Variants in RASSF5 observed in about 807,000 individuals in gnomAD.
RASSF5 encodes the protein Ras association domain family member 5.
In RASSF5, 25 loss-of-function variants were observed where a neutral mutation model predicts 40.5. That is an observed-to-expected ratio of 0.62 (90% confidence interval 0.45 to 0.86). The LOEUF is 0.86. Among genes scored for constraint, RASSF5 ranks in the 40% least tolerant of loss-of-function variants. The pLI, the probability that RASSF5 is intolerant of heterozygous loss-of-function variation, is 0.00. For missense variants in RASSF5, 521 were observed against 572.8 expected (o/e 0.91, Z 0.92); for synonymous variants, 246 against 252.4 (o/e 0.97, Z 0.24).
intron 2 of RASSF5, among the ~76,000 whole-genome samples, chr1:206,575,871 C>T (rs1050168544): frequency 7.9e-5 from 12 of 152,238 alleles, no homozygotes; most frequent in African/African-American, 2.9e-4. Context: ...CGCCAAAGTC[C>T]AAAGCCTGGT....
chr1:206,575,034 GTTTTT>G lies in RASSF5; in HGVS notation c.580-8228_580-8224del, dbSNP rs376096611. ...GGATAATTTTTTTGTTTTTGTTTTT[GTTTTT>G]TTTTTTAGAAGAGACAGGGTTTCAT... On this transcript the variant is annotated intron_variant, in intron 2 of 5. Transcript: ENST00000579436. 2.9e-4 allele frequency among the ~76,000 whole-genome samples: 31 copies of G among 107,746 alleles called. No homozygotes were observed. In the Middle Eastern group the frequency reaches 0.023, roughly 79 times the overall value. 70.7% of individuals were successfully genotyped at this position (107,746 alleles called of 152,430 possible). A position where few individuals can be genotyped will look rare whatever the true frequency, so the allele number is the denominator to read the frequency against.
intron 2 of RASSF5, chr1:206,542,859 A>C (rs1553399583): frequency 6.6e-6 from 1 of 152,224 alleles, no homozygotes; most frequent in Non-Finnish European, 1.5e-5. Flanking sequence ...ATGAATACTT[A>C]TAATTTCTTT....
Position 206,587,379 on chromosome 1 carries a change from C to T in RASSF5, c.*401C>T. ...ATTGATTCCTCTTTGAGTTCTCTTA[C>T]TTGCCACGTACAGGACCATTATTTA... On this transcript the variant is annotated 3_prime_UTR_variant, in exon 6 of 6. Transcript: ENST00000579436. 3.2e-6 allele frequency: 1 copy of T among 316,870 alleles called. No individual in the cohort carries two copies. The highest frequency in any genetic ancestry group is 6.1e-6 in the Non-Finnish European group (1 of 163,410). 19.6% of individuals were successfully genotyped at this position (316,870 alleles called of 1,614,324 possible). A position where few individuals can be genotyped will look rare whatever the true frequency, so the allele number is the denominator to read the frequency against.
chr1:206,568,456 C>A (rs564370501), intron 2 of RASSF5, among the ~76,000 whole-genome samples: 5 of 152,122 alleles, frequency 3.3e-5, no homozygotes, highest in African/African-American at 1.2e-4. Context: ...TGGCTGCTGG[C>A]GCAAGTCTCA....
At chr1:206,534,408 G>T (rs1667328580) in intron 1 of RASSF5, among the ~76,000 whole-genome samples, 1 of 152,178 alleles carries the variant, frequency 6.6e-6, no homozygotes, top group African/African-American at 2.4e-5. Flanking sequence ...TCAATATCAA[G>T]AAATGCCTGT....
At chr1:206,523,424 TATATA>T (rs1257106294) in intron 1 of RASSF5, among the ~76,000 whole-genome samples, 112 of 117,500 alleles carry the variant, frequency 9.5e-4, no homozygotes, top group Middle Eastern at 4.0e-3. Context: ...TATTATATAT[TATATA>T]ATATATTTTA....
intron 3 of RASSF5, chr1:206,583,659 G>T (rs1332832726): frequency 1.0e-5 from 4 of 401,450 alleles, no homozygotes; most frequent in South Asian, 4.4e-5. Flanking sequence ...GTGATTAAAC[G>T]GTACGTAATG....
intron 2 of RASSF5, among the ~76,000 whole-genome samples, chr1:206,564,458 A>G (rs1553403102): frequency 6.6e-6 from 1 of 152,180 alleles, no homozygotes; most frequent in Non-Finnish European, 1.5e-5. Context: ...GACACATAAT[A>G]TCCACCCACC....
At chr1:206,569,821 C>T (rs1668391058) in intron 2 of RASSF5, among the ~76,000 whole-genome samples, 1 of 151,984 alleles carries the variant, frequency 6.6e-6, no homozygotes, top group Admixed American at 6.6e-5. Flanking sequence ...CTGGGCTGTC[C>T]AGGTCATTTT....
rs149049530 is a variant in RASSF5 at position 206,516,441 on chromosome 1, A to G, written c.457+8382A>G. Among the ~76,000 whole-genome samples, 55 of 151,326 alleles carry G rather than the reference A, an allele frequency of 3.6e-4. No individual in the cohort carries two copies. The East Asian group carries it at 9.7e-3, about 27-fold the overall frequency. ...AGCCCAAACGGTGCATTCGGAAGGG[A>G]TTTCCCCGCATTACACGTGACTTTT... is the stretch of plus-strand genomic sequence containing the variant. On this transcript the variant is annotated intron_variant, in intron 1 of 5. Transcript: ENST00000579436.
intron 2 of RASSF5, among the ~76,000 whole-genome samples, chr1:206,553,742 G>T (rs1667911519): frequency 1.3e-5 from 2 of 152,186 alleles, no homozygotes; most frequent in African/African-American, 2.4e-5. Flanking sequence ...GAAGCTGAAA[G>T]GAAGACGGGG....
chr1:206,538,722 TAAAG>T (rs1667477002), intron 2 of RASSF5, among the ~76,000 whole-genome samples: 1 of 152,224 alleles, frequency 6.6e-6, no homozygotes, highest in Non-Finnish European at 1.5e-5. Context: ...CTCCCTGTGT[TAAAG>T]AACCAGAAAA....
chr1:206,554,701 G>A (rs1667936127), intron 2 of RASSF5, among the ~76,000 whole-genome samples: 1 of 152,182 alleles, frequency 6.6e-6, no homozygotes, highest in South Asian at 2.1e-4. Flanking sequence ...TCATAGGGAA[G>A]AGGTCCAGAG....
chr1:206,567,271 G>T (rs188372055), intron 2 of RASSF5, among the ~76,000 whole-genome samples: 1 of 152,182 alleles, frequency 6.6e-6, no homozygotes, highest in Non-Finnish European at 1.5e-5. Context: ...CCTCCGAGGG[G>T]GTTGGGCAGA....
chr1:206,549,819 G>A (rs1216425708), intron 2 of RASSF5, among the ~76,000 whole-genome samples: 1 of 152,174 alleles, frequency 6.6e-6, no homozygotes, highest in African/African-American at 2.4e-5. Context: ...GGTATGGCTT[G>A]TAGGAACAGG....
Position 206,579,656 on chromosome 1 carries a change from A to G in RASSF5, c.580-3613A>G, listed in dbSNP as rs1352712625. Among the ~76,000 whole-genome samples the G allele has an allele frequency of 2.0e-5, 3 of 151,352 alleles. No individual in the cohort carries two copies. The highest frequency in any genetic ancestry group is 4.9e-5 in the African/African-American group (2 of 40,608). On this transcript the variant is annotated intron_variant, in intron 2 of 5. Transcript: ENST00000579436. The surrounding 1 kb of genome is among the most constrained non-coding windows in gnomAD (Gnocchi z 4.2). Reference sequence around the variant, plus strand: ...ATGTTGCTGCGAATTAAAATCAACTAGGAGATTTTTAAAATTCCCATGCCC... The same window carrying G: ...ATGTTGCTGCGAATTAAAATCAACTGGGAGATTTTTAAAATTCCCATGCCC...
Position 206,507,928 on chromosome 1 carries a change from A to T in RASSF5, c.326A>T (p.Gln109Leu). Reference protein sequence around the residue: ...RPRDVRSIFEQPQDPRVPAER... With the variant: ...RPRDVRSIFELPQDPRVPAER... The stretch of plus-strand genomic sequence containing the variant: ...CGCGACGTGCGGAGCATCTTCGAGC[A>T]GCCGCAGGATCCCAGAGTCCCGGCG... The change falls in exon 1 of 6, where the codon CAG becomes CTG. Residue 109 changes from glutamine (Q) to leucine (L), a missense_variant. Physicochemically the swap from Gln to Leu is moderately radical, Grantham distance 113. This residue lies in a region of RASSF5 where 237 missense variants were observed against 212.0 expected (regional missense o/e 1.12). Coordinates refer to ENST00000579436, the MANE Select transcript of RASSF5 (RefSeq NM_182663.4). The T allele has an allele frequency of 6.6e-7, 1 of 1,519,742 alleles. No homozygotes were observed. The allele number at this position is 1,519,742 out of a possible 1,614,324, so 94.1% of individuals were successfully genotyped here. A position where few individuals can be genotyped will look rare whatever the true frequency, so the allele number is the denominator to read the frequency against.
intron 2 of RASSF5, among the ~76,000 whole-genome samples, chr1:206,549,883 C>T (rs561605983): frequency 2.0e-5 from 3 of 152,240 alleles, no homozygotes; most frequent in East Asian, 1.9e-4. Context: ...TCCTTTTGGG[C>T]GGTTCTTTCT....
intron 1 of RASSF5, among the ~76,000 whole-genome samples, chr1:206,529,926 A>G (rs1214031462): frequency 6.6e-6 from 1 of 152,098 alleles, no homozygotes; most frequent in Non-Finnish European, 1.5e-5. Flanking sequence ...AAAAAAATAA[A>G]TACAATAAAA....
Sources: allele counts gnomAD v4.1 joint callset (sites outside exome capture counted in the v4.1 genomes callset), GRCh38; gene constraint gnomAD v4.1.1; regional missense constraint gnomAD v4.1.1; non-coding constraint Gnocchi (gnomAD v3.1); transcripts MANE v1.5; gene names NCBI Gene and HGNC (gene_info 2026-07-23, HGNC 2026-07-21).